The following CALN1 variants were observed in gnomAD, a reference collection of about 807,000 sequenced individuals.
CALN1 encodes calneuron 1.
CALN1 carries 17 observed loss-of-function variants against 30.6 expected under a neutral mutation model. That is an observed-to-expected ratio of 0.56 (90% CI 0.38 to 0.83). CALN1 has a LOEUF of 0.83. CALN1 is among the 40% of genes least tolerant of loss of function. CALN1 has a pLI of 0.00. For synonymous variants in CALN1, 156 were observed against 131.4 expected (o/e 1.19, Z -1.28); for missense variants, 291 against 354.9 (o/e 0.82, Z 1.45).
At chr7:71,953,249 CA>C (rs1288372250) in intron 5 of CALN1, among the ~76,000 whole-genome samples, 1 of 152,108 alleles carries the variant, frequency 6.6e-6, no homozygotes, top group Non-Finnish European at 1.5e-5. Context: ...TGAGCCACCA[CA>C]GCTGCCTCAG....
chr7:72,345,420 G>GA (rs1802591988), intron 2 of CALN1, among the ~76,000 whole-genome samples: 2 of 75,874 alleles, frequency 2.6e-5, no homozygotes, highest in Non-Finnish European at 5.8e-5. Context: ...GAAGAGAAAG[G>GA]AAAGAAAGGA....
chr7:72,082,987 G>C (rs1213688369), intron 4 of CALN1, among the ~76,000 whole-genome samples: 1 of 151,778 alleles, frequency 6.6e-6, no homozygotes, highest in Non-Finnish European at 1.5e-5. Flanking sequence ...AGTCACCTGA[G>C]GTCAGGAGTT....
chr7:72,276,705 C>T (rs1165264934), intron 3 of CALN1, among the ~76,000 whole-genome samples: 1 of 152,044 alleles, frequency 6.6e-6, no homozygotes, highest in Admixed American at 6.5e-5. Context: ...CCCTCTCTCG[C>T]CTTTCCACCT....
chr7:72,450,374 G>A (rs1808635759), upstream of CALN1, among the ~76,000 whole-genome samples: 1 of 152,112 alleles, frequency 6.6e-6, no homozygotes, highest in African/African-American at 2.4e-5. Context: ...GGCATAAACA[G>A]TGTCCACAGA....
intron 5 of CALN1, among the ~76,000 whole-genome samples, chr7:71,852,005 G>C (rs1562840535): frequency 6.6e-6 from 1 of 152,118 alleles, no homozygotes; most frequent in Non-Finnish European, 1.5e-5. Context: ...CAGAGTCTAT[G>C]GACCACACAA....
At chr7:72,407,446 C>G (rs1195402375) in intron 1 of CALN1, among the ~76,000 whole-genome samples, 1 of 152,078 alleles carries the variant, frequency 6.6e-6, no homozygotes, top group African/African-American at 2.4e-5. Flanking sequence ...GTGTATTTTT[C>G]CCACTTTCAT....
chr7:72,017,423 C>T (rs1800458673), intron 5 of CALN1, among the ~76,000 whole-genome samples: 1 of 152,172 alleles, frequency 6.6e-6, no homozygotes, highest in Non-Finnish European at 1.5e-5. Context: ...GGCAAACAGA[C>T]TTTCATCCCA....
At chr7:72,058,442 C>T (rs985087238) in intron 4 of CALN1, among the ~76,000 whole-genome samples, 7 of 151,118 alleles carry the variant, frequency 4.6e-5, no homozygotes, top group South Asian at 2.1e-4. Flanking sequence ...CTCAGCCTCC[C>T]AAGTAGCTGG....
rs550279449 is a variant in CALN1 at position 71,948,459 on chromosome 7, T to C, written c.501+75198A>G. On this transcript the variant is annotated intron_variant, in intron 5 of 6. Coordinates refer to ENST00000395275, the MANE Select transcript of CALN1 (RefSeq NM_031468.4). Reference sequence around the variant, plus strand: ...GAATTTGGTTTCAGGCCGGGCACGATTGGCTTATGCCTGTAATCCCAGCAC... The same window carrying C: ...GAATTTGGTTTCAGGCCGGGCACGACTGGCTTATGCCTGTAATCCCAGCAC... Among the ~76,000 whole-genome samples, 87 of 152,138 alleles carry C rather than the reference T, an allele frequency of 5.7e-4. 1 individual carries two copies. Among genetic ancestry groups the C allele is most frequent in the African/African-American group, 1.9e-3 (81 of 41,540 alleles).
intron 4 of CALN1, among the ~76,000 whole-genome samples, chr7:72,071,938 C>T (rs1804423683): frequency 2.0e-5 from 3 of 152,016 alleles, no homozygotes; most frequent in African/African-American, 7.2e-5. Context: ...AAAAAAAGAT[C>T]AGTGAACTTG....
At chr7:71,935,204 TACTGAAGACGA>T (rs1795765124) in intron 5 of CALN1, among the ~76,000 whole-genome samples, 1 of 152,186 alleles carries the variant, frequency 6.6e-6, no homozygotes. Flanking sequence ...GATGAGGCTT[TACTGAAGACGA>T]ACTAGACAGA....
At chr7:72,451,209 A>AAGGAGGAGG (rs546106123), upstream of CALN1, among the ~76,000 whole-genome samples, 30 of 126,052 alleles carry the variant, frequency 2.4e-4, no homozygotes, top group African/African-American at 5.9e-4. Context: ...GAAGAAGAAG[A>AAGGAGGAGG]AGGAGGAGGA....
intron 3 of CALN1, among the ~76,000 whole-genome samples, chr7:72,267,367 G>A (rs1337638037): frequency 1.3e-5 from 2 of 152,194 alleles, no homozygotes; most frequent in African/African-American, 4.8e-5. Context: ...CTCATGGCCA[G>A]CCTTTCCTGG....
chr7:72,336,765 C>G, intron 2 of CALN1: 16 of 985,270 alleles, frequency 1.6e-5, no homozygotes, highest in Non-Finnish European at 1.9e-5. Context: ...GCGCGGGGGG[C>G]TTCCTCCGAG....
Position 72,278,797 on chromosome 7 carries a change from A to G in CALN1, c.133T>C (p.Phe45Leu). Reference sequence around the variant, plus strand: ...AACAAGCCGGCGGTCACATGGTGGAACGGCATCTTTTCCCTGCCCAAGAGA... The same window carrying G: ...AACAAGCCGGCGGTCACATGGTGGAGCGGCATCTTTTCCCTGCCCAAGAGA... ...PDFPTWEKMP[F>L]HHVTAGLLYK... is the part of the protein sequence containing the mutation. The change falls in exon 3 of 7, where the codon TTC becomes CTC. Residue 45 changes from phenylalanine (F) to leucine (L), a missense_variant. Physicochemically the swap from Phe to Leu is conservative, Grantham distance 22. Coordinates refer to ENST00000395275, the MANE Select transcript of CALN1 (RefSeq NM_031468.4). 1 of 1,613,274 alleles carries G rather than the reference A, an allele frequency of 6.2e-7. No homozygotes were observed. The highest frequency in any genetic ancestry group is 1.1e-5 in the South Asian group (1 of 91,052).
chr7:71,835,311 A>G (rs757001198), intron 5 of CALN1, among the ~76,000 whole-genome samples: 2 of 152,224 alleles, frequency 1.3e-5, no homozygotes, highest in Non-Finnish European at 2.9e-5. Context: ...GTCTTACCAA[A>G]TCATACATAA....
At chr7:71,809,473 A>AAAAAAAG (rs1312845801) in intron 6 of CALN1, among the ~76,000 whole-genome samples, 1 of 151,268 alleles carries the variant, frequency 6.6e-6, no homozygotes, top group African/African-American at 2.4e-5. Context: ...TCAAAAAAAA[A>AAAAAAAG]AAAAAGAAAA....
chr7:72,375,373 G>A (rs886542506), intron 2 of CALN1, among the ~76,000 whole-genome samples: 2 of 151,540 alleles, frequency 1.3e-5, no homozygotes, highest in Non-Finnish European at 2.9e-5. Context: ...GAACAGCCTG[G>A]GCAACATAGT....
chr7:72,306,887 T>G (rs1799692794), intron 2 of CALN1, among the ~76,000 whole-genome samples: 2 of 152,148 alleles, frequency 1.3e-5, no homozygotes, highest in Admixed American at 6.6e-5. Flanking sequence ...TCAGAATAAA[T>G]CTTTTCAGGT....
Sources: gnomAD v4.1 joint callset for allele counts (sites outside exome capture counted in the v4.1 genomes callset) on GRCh38, gnomAD v4.1.1 for gene constraint, MANE v1.5 for transcripts, NCBI Gene and HGNC (gene_info 2026-07-23, HGNC 2026-07-21) for gene names.